BCAS3: variants seen among roughly 807,000 people sequenced by gnomAD.
The protein encoded by BCAS3 is BCAS4/BCAS3 fusion.
BCAS3 carries 53 observed loss-of-function variants against 116.1 expected under a neutral mutation model. The observed-to-expected ratio is 0.46, with a 90% CI of 0.37 to 0.57. The LOEUF is 0.57. Among genes scored for constraint, BCAS3 ranks in the 20% least tolerant of loss-of-function variants. The probability of loss-of-function intolerance (pLI) is 0.00; values close to 1 mark genes in which losing one functional copy is unlikely to be tolerated. For missense variants in BCAS3, 917 were observed against 1,165.4 expected (o/e 0.79, Z 3.10); for synonymous variants, 391 against 408.2 (o/e 0.96, Z 0.51).
chr17:60,970,149 A>G (rs868513852), intron 14 of BCAS3, among the ~76,000 whole-genome samples: 3 of 152,212 alleles, frequency 2.0e-5, no homozygotes, highest in African/African-American at 4.8e-5. Flanking sequence ...ATTGTATTAT[A>G]TGTACATGTA....
chr17:60,696,328 A>G (rs7216755), intron 4 of BCAS3: 10,912 of 152,344 alleles, frequency 0.072, 1,306 homozygotes, highest in African/African-American at 0.25. Context: ...GCACAGTTGC[A>G]TGCACCTGTA....
At chr17:60,772,533 T>C (rs951507383) in intron 6 of BCAS3, among the ~76,000 whole-genome samples, 1 of 152,186 alleles carries the variant, frequency 6.6e-6, no homozygotes, top group African/African-American at 2.4e-5. Context: ...GGTAGTTTCT[T>C]TTGCTTTGCA....
intron 4 of BCAS3, among the ~76,000 whole-genome samples, chr17:60,700,365 A>G (rs1472508615): frequency 6.6e-6 from 1 of 152,114 alleles, no homozygotes; most frequent in Non-Finnish European, 1.5e-5. Flanking sequence ...TGAGGAAGAA[A>G]GTGGTTCCTG....
intron 22 of BCAS3, among the ~76,000 whole-genome samples, chr17:61,311,076 T>A (rs957033127): frequency 2.0e-5 from 3 of 152,166 alleles, no homozygotes; most frequent in Non-Finnish European, 4.4e-5. Context: ...ATTCAGTGAG[T>A]TAATATGTGT....
At chr17:60,693,478 G>A (rs1296960347) in intron 4 of BCAS3, among the ~76,000 whole-genome samples, 3 of 151,148 alleles carry the variant, frequency 2.0e-5, no homozygotes, top group Admixed American at 2.0e-4. Context: ...GCCTGAACTT[G>A]AACTTGGCTC....
chr17:60,910,130 T>C (rs1284491073), intron 11 of BCAS3, among the ~76,000 whole-genome samples: 1 of 152,224 alleles, frequency 6.6e-6, no homozygotes, highest in East Asian at 1.9e-4. Context: ...ATTAGAGTTA[T>C]AATATTTCAA....
chr17:61,010,899 C>A (rs781290385), intron 15 of BCAS3, among the ~76,000 whole-genome samples: 3 of 151,950 alleles, frequency 2.0e-5, no homozygotes, highest in Non-Finnish European at 4.4e-5. Context: ...GCCCAAAAAA[C>A]TGGGATGAGA....
intron 11 of BCAS3, 21 bp downstream of exon 11, chr17:60,902,724 GGA>G (rs1267782137): frequency 6.5e-7 from 1 of 1,531,280 alleles, no homozygotes; most frequent in Non-Finnish European, 9.0e-7. Flanking sequence ...CCGAAATCTT[GGA>G]GAGTTGTGGT....
At chr17:61,271,587 C>CTGTG (rs1491336194) in intron 22 of BCAS3, among the ~76,000 whole-genome samples, 3 of 107,376 alleles carry the variant, frequency 2.8e-5, no homozygotes, top group African/African-American at 3.8e-5. Context: ...TCACGCCCAG[C>CTGTG]TCTGTGTGTG....
At chr17:61,289,261 C>A (rs553293528) in intron 22 of BCAS3, among the ~76,000 whole-genome samples, 1 of 152,310 alleles carries the variant, frequency 6.6e-6, no homozygotes, top group African/African-American at 2.4e-5. Flanking sequence ...GCTGGCCCAA[C>A]AGACTCTAGT....
chr17:60,936,388 A>T (rs1327106616), intron 13 of BCAS3, among the ~76,000 whole-genome samples: 2 of 151,980 alleles, frequency 1.3e-5, no homozygotes, highest in African/African-American at 2.4e-5. Flanking sequence ...ATGGGATTGC[A>T]GGGTCAAATG....
In BCAS3 at chr17:61,285,003, G is replaced by A. The variant is rs117090715; in HGVS notation, c.2426-83324G>A. Reference sequence around the variant, plus strand: ...AGGTTCTCTCCTGGTTCTCCTGTCTGTAGGCTTCTGAAAGCTTTGCTGCCC... The same window carrying A: ...AGGTTCTCTCCTGGTTCTCCTGTCTATAGGCTTCTGAAAGCTTTGCTGCCC... On this transcript the variant is annotated intron_variant, in intron 22 of 23. Transcript: ENST00000407086. The surrounding 1 kb of genome is among the most constrained non-coding windows in gnomAD (Gnocchi z 5.4). Among the ~76,000 whole-genome samples, 707 of 152,336 alleles carry A rather than the reference G, an allele frequency of 4.6e-3. 12 individuals are homozygous for A. The East Asian group carries it at 0.057, about 12-fold the overall frequency.
At chr17:61,245,810 G>C (rs1319255510) in intron 22 of BCAS3, among the ~76,000 whole-genome samples, 1 of 150,992 alleles carries the variant, frequency 6.6e-6, no homozygotes, top group Non-Finnish European at 1.5e-5. Flanking sequence ...CTCATTGAAA[G>C]AAAAAAAAAG....
intron 13 of BCAS3, 137 bp downstream of exon 13, chr17:60,924,637 T>A: frequency 1.8e-6 from 1 of 561,180 alleles, no homozygotes; most frequent in Non-Finnish European, 3.0e-6. Flanking sequence ...TAAGTCATTA[T>A]ATTGAATAAA....
At chr17:60,872,981 A>G (rs2055270644) in intron 8 of BCAS3, among the ~76,000 whole-genome samples, 1 of 152,102 alleles carries the variant, frequency 6.6e-6, no homozygotes, top group Admixed American at 6.5e-5. Flanking sequence ...ATTGGTAATT[A>G]GATATGGAAA....
chr17:61,259,948 G>A lies in BCAS3; in HGVS notation c.2426-108379G>A, dbSNP rs2049057324. On this transcript the variant is annotated intron_variant, in intron 22 of 23. Transcript: ENST00000407086. The surrounding 1 kb of genome is among the most constrained non-coding windows in gnomAD (Gnocchi z 4.7). ...TAGCCACTATTTATTGAATTGCTGT[G>A]TGAGGTAGGCGTTGTACAGGCTGCC... is the stretch of plus-strand genomic sequence containing the variant. Among the ~76,000 whole-genome samples the A allele has an allele frequency of 6.6e-6, 1 of 152,212 alleles. No individual in the cohort carries two copies. Among genetic ancestry groups the A allele is most frequent in the African/African-American group, 2.4e-5 (1 of 41,450 alleles).
At chr17:61,002,722 A>G (rs2064334006) in intron 15 of BCAS3, 2 of 152,024 alleles carry the variant, frequency 1.3e-5, no homozygotes, top group Admixed American at 6.6e-5. Context: ...TAGTTATATC[A>G]TTTGAGTATG....
chr17:61,175,034 T>C (rs922628969), intron 22 of BCAS3, among the ~76,000 whole-genome samples: 1 of 152,112 alleles, frequency 6.6e-6, no homozygotes, highest in African/African-American at 2.4e-5. Flanking sequence ...TATTGGCAGG[T>C]GAGACTTTGG....
Position 61,198,579 on chromosome 17 carries a change from T to G in BCAS3, c.2425+114015T>G, listed in dbSNP as rs1337361914. Among the ~76,000 whole-genome samples the G allele has an allele frequency of 6.6e-6, 1 of 152,214 alleles. No individual in the cohort carries two copies. The highest frequency in any genetic ancestry group is 1.5e-5 in the Non-Finnish European group (1 of 68,048). ...AGATCAGTTAAGTTTTGCAAGAAGG[T>G]GAAAGTAGACAAACATGTTTTTGAC... On this transcript the variant is annotated intron_variant, in intron 22 of 23. Coordinates refer to ENST00000407086, the MANE Select transcript of BCAS3 (RefSeq NM_017679.5). The surrounding 1 kb of genome is among the most constrained non-coding windows in gnomAD (Gnocchi z 5.0).
Sources: gnomAD v4.1 joint callset for allele counts (sites outside exome capture counted in the v4.1 genomes callset) on GRCh38, gnomAD v4.1.1 for gene constraint, Gnocchi (gnomAD v3.1) non-coding constraint, MANE v1.5 for transcripts, NCBI Gene and HGNC (gene_info 2026-07-23, HGNC 2026-07-21) for gene names.